The following SLC15A2 variants were observed in gnomAD, a reference collection of about 807,000 sequenced individuals.
SLC15A2 encodes the protein kidney H(+)/peptide cotransporter.
Under a neutral mutation model 95.5 loss-of-function variants are expected in SLC15A2, and 77 were observed. The observed-to-expected ratio is 0.81, with a 90% CI of 0.67 to 0.97. The LOEUF (loss-of-function observed/expected upper bound fraction) is 0.97. Among genes scored for constraint, SLC15A2 ranks in the 50% least tolerant of loss-of-function variants. SLC15A2 has a pLI of 0.00. For missense variants in SLC15A2, 893 were observed against 874.4 expected (o/e 1.02, Z -0.27); for synonymous variants, 306 against 306.9 (o/e 1.00, Z 0.03).
intron 19 of SLC15A2, 72 bp downstream of exon 19, chr3:121,931,807 G>A (rs1710238651): frequency 2.3e-6 from 2 of 874,614 alleles, no homozygotes; most frequent in East Asian, 2.5e-5. Context: ...CTAGGCAGGG[G>A]CAGAAAACAA....
intron 11 of SLC15A2, among the ~76,000 whole-genome samples, chr3:121,923,989 G>C (rs144896633): frequency 6.6e-6 from 1 of 152,094 alleles, no homozygotes; most frequent in Non-Finnish European, 1.5e-5. Context: ...ATGTGTCAGG[G>C]AGAGTCTTCA....
At chr3:121,897,578 G>A in intron 3 of SLC15A2, 49 bp downstream of exon 3, 2 of 1,601,314 alleles carry the variant, frequency 1.2e-6, no homozygotes, top group Non-Finnish European at 1.7e-6. Flanking sequence ...AGGTTGTGCA[G>A]AAGGCTATCA....
chr3:121,897,270 G>C lies in SLC15A2; in HGVS notation c.194-118G>C. ...CTTCTCAGTCATGTCACTGATAGGA[G>C]TGCTGAAGGCCAAAATCACATTATA... On this transcript the variant is annotated intron_variant, in intron 2 of 21. Transcript: ENST00000489711. 5 of 1,205,482 alleles carry C rather than the reference G, an allele frequency of 4.1e-6. No homozygotes were observed. The Middle Eastern group carries it at 8.8e-4, about 212-fold the overall frequency. The allele number at this position is 1,205,482 out of a possible 1,614,324, so 74.7% of individuals were successfully genotyped here.
intron 2 of SLC15A2, 67 bp from the exon 3 acceptor site, chr3:121,897,321 C>T: frequency 1.9e-6 from 3 of 1,564,322 alleles, no homozygotes; most frequent in Non-Finnish European, 2.6e-6. Flanking sequence ...ATATTTTTTT[C>T]CATAAGTCAC....
intron 13 of SLC15A2, 117 bp downstream of exon 13, chr3:121,925,150 A>C (rs1710089819): frequency 1.4e-6 from 1 of 729,418 alleles, no homozygotes; most frequent in Non-Finnish European, 2.4e-6. Context: ...TTTATCATCT[A>C]TCTGCTTCTA....
chr3:121,902,856 A>T (rs1339897980), intron 3 of SLC15A2, among the ~76,000 whole-genome samples: 1 of 152,212 alleles, frequency 6.6e-6, no homozygotes. Flanking sequence ...ATGATTTATA[A>T]TCCTTTGGGT....
At chr3:121,920,328 A>G (rs1347481383) in intron 7 of SLC15A2, among the ~76,000 whole-genome samples, 2 of 152,018 alleles carry the variant, frequency 1.3e-5, no homozygotes, top group East Asian at 3.9e-4. Context: ...ACATAGTCTC[A>G]CTGTGTCAGC....
intron 13 of SLC15A2, among the ~76,000 whole-genome samples, chr3:121,927,045 C>T (rs1450215249): frequency 6.6e-6 from 1 of 152,246 alleles, no homozygotes; most frequent in African/African-American, 2.4e-5. Flanking sequence ...TCTATACCCC[C>T]ATTTTATTTG....
chr3:121,926,821 A>C (rs1053479467), intron 13 of SLC15A2, among the ~76,000 whole-genome samples: 2 of 152,190 alleles, frequency 1.3e-5, no homozygotes, highest in African/African-American at 4.8e-5. Flanking sequence ...CAGGGGCTGA[A>C]CTCTGCAAAG....
At position 121,930,698 on chromosome 3, in the gene SLC15A2, T is replaced by C. The variant is rs1710215278; in HGVS notation, c.1554-142T>C. On this transcript the variant is annotated intron_variant, in intron 17 of 21. Coordinates refer to ENST00000489711, the MANE Select transcript of SLC15A2 (RefSeq NM_021082.4). ...TCATTCGTCTAGTTAACAATATACA[T>C]TAGGTACCTTTTATGTGCCAGCCAC... The C allele has an allele frequency of 5.1e-6, 3 of 589,034 alleles. No individual in the cohort carries two copies. In the Admixed American group the frequency reaches 9.2e-5, roughly 18 times the overall value. The allele number at this position is 589,034 out of a possible 1,614,324, so 36.5% of individuals were successfully genotyped here.
At chr3:121,935,699 T>A (rs1168519578) in intron 19 of SLC15A2, among the ~76,000 whole-genome samples, 10 of 152,130 alleles carry the variant, frequency 6.6e-5, no homozygotes, top group Non-Finnish European at 1.2e-4. Flanking sequence ...ATTTTGTTGA[T>A]CCTTTCAAAA....
intron 19 of SLC15A2, among the ~76,000 whole-genome samples, chr3:121,932,314 A>C (rs1374892383): frequency 1.3e-5 from 2 of 152,224 alleles, no homozygotes; most frequent in African/African-American, 4.8e-5. Flanking sequence ...TTGAGCCATC[A>C]CTGTGAGATG....
chr3:121,909,996 C>T (rs868541787), intron 3 of SLC15A2, among the ~76,000 whole-genome samples: 6 of 151,800 alleles, frequency 4.0e-5, no homozygotes, highest in Admixed American at 2.0e-4. Context: ...TTTTTTTTTC[C>T]TCTATGATGA....
intron 7 of SLC15A2, among the ~76,000 whole-genome samples, chr3:121,920,543 G>T (rs943389389): frequency 5.3e-5 from 8 of 152,098 alleles, no homozygotes; most frequent in Non-Finnish European, 1.0e-4. Flanking sequence ...TAATCCATCC[G>T]CCTTAGCCTT....
Position 121,913,099 on chromosome 3 carries a change from A to T in SLC15A2, c.507A>T (p.Gly169=). 1 of 1,613,798 alleles carries T rather than the reference A, an allele frequency of 6.2e-7. No individual in the cohort carries two copies. Among genetic ancestry groups the T allele is most frequent in the Non-Finnish European group, 8.5e-7 (1 of 1,179,740 alleles). The part of the protein sequence containing the change: ...GIKPCVAAFG[G]DQFEEKHAEE... Reference sequence around the variant, plus strand: ...AACCCTGTGTGGCAGCTTTTGGTGGAGACCAGTTTGAAGAAAAACATGTAA... The same window carrying T: ...AACCCTGTGTGGCAGCTTTTGGTGGTGACCAGTTTGAAGAAAAACATGTAA... The change falls in exon 5 of 22, where the codon GGA becomes GGT. Residue 169 remains glycine, a synonymous_variant. Transcript: ENST00000489711.
chr3:121,938,609 C>T (rs1034837440), intron 19 of SLC15A2, among the ~76,000 whole-genome samples: 2 of 152,254 alleles, frequency 1.3e-5, no homozygotes, highest in African/African-American at 2.4e-5. Flanking sequence ...GGCAATGCCT[C>T]GCCCTGCTTT....
Position 121,915,606 on chromosome 3 carries a change from T to C in SLC15A2, c.620-10T>C. ...GAGTTACTTTCCTCCTCCCATCCCA[T>C]TTTCTTTAGGAGATGTGCAATGTTT... On this transcript the variant is annotated splice_polypyrimidine_tract_variant and intron_variant, in intron 6 of 21. Coordinates refer to ENST00000489711, the MANE Select transcript of SLC15A2 (RefSeq NM_021082.4). 1 of 1,608,308 alleles carries C rather than the reference T, an allele frequency of 6.2e-7. No homozygotes were observed. The highest frequency in any genetic ancestry group is 1.1e-5 in the South Asian group (1 of 90,946).
rs753902151 is a variant in SLC15A2 at position 121,928,404 on chromosome 3, G to A, written c.1207-17G>A. ...GATTATTTGTTGGTGATTCTGACAT[G>A]TGTTCTTTGCTCTAAGGAAATGGCC... On this transcript the variant is annotated splice_polypyrimidine_tract_variant and intron_variant, in intron 14 of 21. Transcript: ENST00000489711. The A allele has an allele frequency of 1.9e-6, 3 of 1,610,894 alleles. No homozygotes were observed. The highest frequency in any genetic ancestry group is 2.5e-6 in the Non-Finnish European group (3 of 1,178,766).
intron 1 of SLC15A2, among the ~76,000 whole-genome samples, chr3:121,895,933 A>G (rs1433913367): frequency 6.6e-6 from 1 of 152,208 alleles, no homozygotes; most frequent in Non-Finnish European, 1.5e-5. Context: ...AAGCTATCAT[A>G]TTGCCAGGAT....
Sources: gnomAD v4.1 joint callset for allele counts (sites outside exome capture counted in the v4.1 genomes callset) on GRCh38, gnomAD v4.1.1 for gene constraint, MANE v1.5 for transcripts, NCBI Gene and HGNC (gene_info 2026-07-23, HGNC 2026-07-21) for gene names.